CXorf38: variants seen among roughly 807,000 people sequenced by gnomAD.
The protein encoded by CXorf38 is uncharacterized protein CXorf38.
A neutral mutation model predicts 27.5 loss-of-function variants in CXorf38; 13 were observed. The ratio of observed to expected loss-of-function variants is 0.47; its 90% CI spans 0.31 to 0.75. The LOEUF (loss-of-function observed/expected upper bound fraction) is 0.75, where lower values mean the gene tolerates loss of function less well. Ranked by LOEUF, CXorf38 falls within the 30% of genes least tolerant of loss-of-function variation. The pLI is 0.05. For synonymous variants in CXorf38, 100 were observed against 99.8 expected, an observed-to-expected ratio of 1.00 and a Z score of -0.01; for missense variants, 240 against 253.2, an observed-to-expected ratio of 0.95 and a Z score of 0.35.
Position 40,647,000 on chromosome X carries a change from C to A in CXorf38, c.351+7G>T, listed in dbSNP as rs1454252945. 4.1e-6 allele frequency: 5 copies of A among 1,208,139 alleles called. No homozygotes were observed. The highest frequency in any genetic ancestry group is 4.5e-6 in the Non-Finnish European group (4 of 894,184). On this transcript the variant is annotated splice_region_variant and intron_variant, in intron 2 of 6. Transcript: ENST00000327877. The stretch of plus-strand genomic sequence containing the variant: ...TTCCTCCTTCCGTCCCCGCCTCAGG[C>A]GCTTACCTTGGCCACCTCCCAGGCG...
intron 5 of CXorf38, among the ~76,000 whole-genome samples, chrX:40,633,689 G>A (rs1231099578): frequency 8.9e-6 from 1 of 112,014 alleles, no homozygotes; most frequent in East Asian, 2.8e-4. Flanking sequence ...AGTACACACT[G>A]TCATCGTCCC....
chrX:40,647,514 G>A lies in CXorf38; in HGVS notation c.7C>T (p.Leu3=), dbSNP rs771935194. 13 of 1,182,653 alleles carry A rather than the reference G, an allele frequency of 1.1e-5. No individual in the cohort carries two copies. Among genetic ancestry groups the A allele is most frequent in the Admixed American group, 7.0e-5 (3 of 42,791 alleles). The change falls in exon 1 of 7, where the codon CTG becomes TTG. Residue 3 remains leucine, a synonymous_variant. Transcript: ENST00000327877. The part of the protein sequence containing the change: MV[L]SELAARLNCA... ...TTGAGGCGCGCCGCTAGCTCCGACA[G>A]CACCATGTCTCCCACTTGGAACCAG...
chrX:40,647,244 G>A (rs1039664297), intron 1 of CXorf38, 61 bp downstream of exon 1: 15 of 897,834 alleles, frequency 1.7e-5, no homozygotes, highest in Admixed American at 3.4e-5. Context: ...TCTGGGACAG[G>A]AACGGGGATG....
At position 40,629,907 on chromosome X, in the gene CXorf38, T is replaced by C. The variant is rs778029462; in HGVS notation, c.*257A>G. On this transcript the variant is annotated 3_prime_UTR_variant, in exon 7 of 7. Transcript: ENST00000327877. ...TGCTGGGGATTACAGGTGTGAGCCATCACACCTGGCCTGGTAGCAAGTTTT... is the reference window on the plus strand; with the variant it reads ...TGCTGGGGATTACAGGTGTGAGCCACCACACCTGGCCTGGTAGCAAGTTTT... 1 of 111,941 alleles carries C rather than the reference T, an allele frequency of 8.9e-6. No homozygotes were observed. Among genetic ancestry groups the C allele is most frequent in the East Asian group, 2.8e-4 (1 of 3,586 alleles). 9.2% of individuals were successfully genotyped at this position (111,941 alleles called of 1,213,427 possible). A position where few individuals can be genotyped will look rare whatever the true frequency, so the allele number is the denominator to read the frequency against.
rs1249892251 is a variant in CXorf38 at position 40,636,642 on chromosome X, C to T, written c.692G>A (p.Gly231Glu). Residue 231 changes from glycine (G) to glutamate (E), a missense_variant, in exon 5 of 7, where the codon GGA (glycine) becomes GAA (glutamate). Transcript: ENST00000327877. ...GACTTGGCTCTCACTCAGGTAAGTTCCCATTTCACATTCACACCCATCTCG... is the reference window on the plus strand; with the variant it reads ...GACTTGGCTCTCACTCAGGTAAGTTTCCATTTCACATTCACACCCATCTCG... ...DQRDGCECEMGTYLSESQVNE... is the reference protein window; with the variant it reads ...DQRDGCECEMETYLSESQVNE... 1 of 1,208,852 alleles carries T rather than the reference C, an allele frequency of 8.3e-7. No homozygotes were observed.
intron 2 of CXorf38, among the ~76,000 whole-genome samples, chrX:40,642,938 A>AT (rs200490943): frequency 0.18 from 18,930 of 107,717 alleles, 1,836 homozygotes; most frequent in Middle Eastern, 0.34. Context: ...TAGCTGCCTA[A>AT]TTTTTTTTTG....
rs751746274 is a variant in CXorf38, at chrX:40,632,216, G to T, written c.802-1443C>A. 1.8e-3 allele frequency among the ~76,000 whole-genome samples: 199 copies of T among 111,644 alleles called. 4 individuals carry two copies. The highest frequency in any genetic ancestry group is 5.7e-3 in the African/African-American group (175 of 30,730). ...CACCAGCAGGGCCTGGGCACCACACGCATGATCACAGATGGACTTTTGCCC... is the reference window on the plus strand; with the variant it reads ...CACCAGCAGGGCCTGGGCACCACACTCATGATCACAGATGGACTTTTGCCC... On this transcript the variant is annotated intron_variant, in intron 5 of 6. Coordinates refer to ENST00000327877, the MANE Select transcript of CXorf38 (RefSeq NM_144970.3).
chrX:40,647,375 G>A lies in CXorf38; in HGVS notation c.146C>T (p.Ala49Val), dbSNP rs1928651879. ...GCGGGGCCCCAGGCCGGGGGCTGCG[G>A]CGAGTAGGCCGCGGTGGAAGGAGAG... is the stretch of plus-strand genomic sequence containing the variant. ...EVLSFHRGLL[A>V]AAPGLGPRAV... Residue 49 changes from alanine (A) to valine (V), a missense_variant, in exon 1 of 7, where the codon GCC becomes GTC. Ala to Val is a moderately conservative substitution (Grantham distance 64). Coordinates refer to ENST00000327877, the MANE Select transcript of CXorf38 (RefSeq NM_144970.3). 2 of 1,170,776 alleles carry A rather than the reference G, an allele frequency of 1.7e-6. No homozygotes were observed. Among genetic ancestry groups the A allele is most frequent in the African/African-American group, 3.7e-5 (2 of 54,174 alleles).
intron 4 of CXorf38, 54 bp from the exon 5 acceptor site, chrX:40,636,766 C>T: frequency 4.0e-6 from 4 of 1,007,049 alleles, no homozygotes; most frequent in South Asian, 2.3e-5. Flanking sequence ...AGGCATTCCA[C>T]TGAATTACTC....
chrX:40,644,149 G>A (rs1928469012), intron 2 of CXorf38, among the ~76,000 whole-genome samples: 1 of 112,042 alleles, frequency 8.9e-6, no homozygotes, highest in African/African-American at 3.2e-5. Flanking sequence ...ACTTAGGAGG[G>A]GAATTGCTGG....
rs545051253 is a variant in CXorf38 at position 40,636,680 on chromosome X, G to A, written c.654C>T (p.Pro218=). Residue 218 remains proline (P), a synonymous_variant, in exon 5 of 7, where the codon CCC becomes CCT. Coordinates refer to ENST00000327877, the MANE Select transcript of CXorf38 (RefSeq NM_144970.3). ...LLTSDWAVHI[P]EEDQRDGCEC... ...CACACCCATCTCGCTGATCTTCCTCGGGGATGTGAACAGCCCAGTCAGACG... is the reference window on the plus strand; with the variant it reads ...CACACCCATCTCGCTGATCTTCCTCAGGGATGTGAACAGCCCAGTCAGACG... The A allele has an allele frequency of 2.0e-5, 24 of 1,207,231 alleles. No homozygotes were observed. The Middle Eastern group carries it at 6.9e-4, about 35-fold the overall frequency.
intron 3 of CXorf38, 136 bp downstream of exon 3, chrX:40,638,873 T>A: frequency 4.3e-6 from 3 of 697,569 alleles, no homozygotes; most frequent in Non-Finnish European, 6.1e-6. Flanking sequence ...ACTTTCTTTG[T>A]ACACCACTGT....
chrX:40,641,110 C>T (rs111625147), intron 2 of CXorf38, among the ~76,000 whole-genome samples: 2,654 of 109,607 alleles, frequency 0.024, 85 homozygotes, highest in Admixed American at 0.12. Flanking sequence ...CCAGCTACTT[C>T]GGAGGCTGAA....
At chrX:40,636,464 T>C (rs1356762030) in intron 5 of CXorf38, 69 bp downstream of exon 5, 1 of 653,222 alleles carries the variant, frequency 1.5e-6, no homozygotes, top group Non-Finnish European at 2.3e-6. Flanking sequence ...TAAGATGAGC[T>C]ACTCTTCCTC....
rs370266199 is a variant in CXorf38 at position 40,636,568 on chromosome X, G to T, written c.766C>A (p.Leu256Ile). ...LLKEKLQEIYLQAEEQEVLPE... is the reference protein window; with the variant it reads ...LLKEKLQEIYIQAEEQEVLPE... ...AACACCTCTTGTTCTTCTGCTTGAA[G>T]ATATATCTCTTGAAGTTTCTCCTTT... Residue 256 changes from leucine (L) to isoleucine (I), a missense_variant, in exon 5 of 7, where the codon CTT becomes ATT. Coordinates refer to ENST00000327877, the MANE Select transcript of CXorf38 (RefSeq NM_144970.3). The T allele has an allele frequency of 3.4e-5, 41 of 1,202,621 alleles. No homozygotes were observed. The highest frequency in any genetic ancestry group is 4.5e-5 in the Non-Finnish European group (40 of 890,613).
chrX:40,633,844 T>G (rs1423258003), intron 5 of CXorf38, among the ~76,000 whole-genome samples: 1 of 111,597 alleles, frequency 9.0e-6, no homozygotes, highest in African/African-American at 3.3e-5. Context: ...GTTGGATTTT[T>G]TTTTAACTCC....
chrX:40,640,926 T>C lies in CXorf38; in HGVS notation c.352-1798A>G, dbSNP rs1602425996. On this transcript the variant is annotated intron_variant, in intron 2 of 6. Coordinates refer to ENST00000327877, the MANE Select transcript of CXorf38 (RefSeq NM_144970.3). ...CTACTCTCTAGCCTGGGCAACAGAG[T>C]GAGACTCTGTCTCAAAAAAAAAAAA... Among the ~76,000 whole-genome samples the C allele has an allele frequency of 8.6e-5, 6 of 69,780 alleles. No homozygotes were observed. The South Asian group carries it at 4.7e-3, about 55-fold the overall frequency. 60.6% of individuals were successfully genotyped at this position (69,780 alleles called of 115,157 possible).
At position 40,643,867 on chromosome X, in the gene CXorf38, T is replaced by G. The variant is rs191014586; in HGVS notation, c.351+3140A>C. On this transcript the variant is annotated intron_variant, in intron 2 of 6. Transcript: ENST00000327877. ...ATTTATATAAAATGGACATTTCATA[T>G]AAATATAATATGTGACTAGCTTCTT... 2.7e-3 allele frequency among the ~76,000 whole-genome samples: 303 copies of G among 112,613 alleles called. 2 individuals carry two copies. The highest frequency in any genetic ancestry group is 9.3e-3 in the African/African-American group (289 of 30,985).
intron 3 of CXorf38, 53 bp downstream of exon 3, chrX:40,638,956 A>G: frequency 8.4e-7 from 1 of 1,186,666 alleles, no homozygotes; most frequent in Non-Finnish European, 1.1e-6. Context: ...ACTGGCTCTC[A>G]CAGCACAGAC....
Sources: gnomAD v4.1 joint callset for allele counts (sites outside exome capture counted in the v4.1 genomes callset) on GRCh38, gnomAD v4.1.1 for gene constraint, MANE v1.5 for transcripts, NCBI Gene and HGNC (gene_info 2026-07-23, HGNC 2026-07-21) for gene names.